The following HFM1 variants were observed in gnomAD, a reference collection of about 807,000 sequenced individuals.
HFM1 encodes probable ATP-dependent DNA helicase HFM1.
Under a neutral mutation model 192.1 loss-of-function variants are expected in HFM1, and 169 were observed. The ratio of observed to expected loss-of-function variants is 0.88; its 90% CI spans 0.78 to 1.00. The LOEUF is 1.00. Among genes scored for constraint, HFM1 ranks in the 50% least tolerant of loss-of-function variants. The pLI, the probability that HFM1 is intolerant of heterozygous loss-of-function variation, is 0.00. For synonymous variants in HFM1, 525 were observed against 537.8 expected, an observed-to-expected ratio of 0.98 and a Z score of 0.33; for missense variants, 1,661 against 1,668.0, an observed-to-expected ratio of 1.00 and a Z score of 0.07.
At position 91,351,569 on chromosome 1, in the gene HFM1, A is replaced by G. The variant is rs1473813675; in HGVS notation, c.2052T>C (p.Cys684=). 1 of 1,589,896 alleles carries G rather than the reference A, an allele frequency of 6.3e-7. No individual in the cohort carries two copies. Among genetic ancestry groups the G allele is most frequent in the Non-Finnish European group, 8.6e-7 (1 of 1,164,198 alleles). Residue 684 remains cysteine (C), a synonymous_variant, in exon 17 of 39, where the codon TGT becomes TGC. Coordinates refer to ENST00000370425, the MANE Select transcript of HFM1 (RefSeq NM_001017975.6). ...ACTACCTGCTTTCTACAGTGTCTCT[A>G]CAAGCTAACATCTGAATGTACTTGT... ...TRDKYIQMLA[C]RDTVESSLHR... is the part of the protein sequence containing the mutation.
chr1:91,375,469 T>G lies in HFM1; in HGVS notation c.1597-23A>C. 1.9e-6 allele frequency: 3 copies of G among 1,611,040 alleles called. No individual in the cohort carries two copies. In the South Asian group the frequency reaches 3.3e-5, roughly 18 times the overall value. On this transcript the variant is annotated intron_variant, in intron 12 of 38. Transcript: ENST00000370425. ...AAACTGAAAATAAATTCATAACGTT[T>G]GTATTAATCATGTTAAAAACTGAAT...
chr1:91,268,464 T>C (rs1665971120), intron 34 of HFM1, among the ~76,000 whole-genome samples: 1 of 152,028 alleles, frequency 6.6e-6, no homozygotes, highest in Admixed American at 6.5e-5. Flanking sequence ...ATTAGTTGTA[T>C]GGTCTTAGAC....
In HFM1 at chr1:91,323,200, C is replaced by G; in HGVS notation, c.2428-1G>C. On this transcript the variant is annotated splice_acceptor_variant, in intron 21 of 38. Coordinates refer to ENST00000370425, the MANE Select transcript of HFM1 (RefSeq NM_001017975.6). LOFTEE classifies it high-confidence loss of function. ...CCTTGCAGCCAGCTATCAATGTAACCTATAACATTTCAGTAGTTGTCCATT... is the reference window on the plus strand; with the variant it reads ...CCTTGCAGCCAGCTATCAATGTAACGTATAACATTTCAGTAGTTGTCCATT... 2 of 1,457,662 alleles carry G rather than the reference C, an allele frequency of 1.4e-6. No individual in the cohort carries two copies. The highest frequency in any genetic ancestry group is 1.9e-6 in the Non-Finnish European group (2 of 1,047,486). The allele number at this position is 1,457,662 out of a possible 1,614,324, so 90.3% of individuals were successfully genotyped here. A position where few individuals can be genotyped will look rare whatever the true frequency, so the allele number is the denominator to read the frequency against.
intron 30 of HFM1, among the ~76,000 whole-genome samples, chr1:91,298,650 A>G (rs931349065): frequency 1.3e-5 from 2 of 152,232 alleles, no homozygotes; most frequent in African/African-American, 4.8e-5. Flanking sequence ...CTTAAAGAAA[A>G]GAATTTTCAA....
At chr1:91,274,664 T>C (rs780165926) in intron 33 of HFM1, 66 bp downstream of exon 33, 2 of 770,706 alleles carry the variant, frequency 2.6e-6, no homozygotes, top group Non-Finnish European at 4.4e-6. Context: ...CCTGAATAAG[T>C]GGTTACCTGC....
chr1:91,355,882 T>C (rs928405955), intron 13 of HFM1, among the ~76,000 whole-genome samples: 16 of 152,260 alleles, frequency 1.1e-4, no homozygotes, highest in African/African-American at 3.9e-4. Context: ...CAGACAAATA[T>C]AGAACTTTGC....
intron 38 of HFM1, 99 bp downstream of exon 38, chr1:91,262,142 G>C: frequency 3.5e-6 from 2 of 567,560 alleles, no homozygotes; most frequent in Non-Finnish European, 6.0e-6. Flanking sequence ...AAATGTTCAG[G>C]CTGTGATCTT....
chr1:91,369,911 A>T (rs1031582596), intron 13 of HFM1, among the ~76,000 whole-genome samples: 2 of 152,046 alleles, frequency 1.3e-5, no homozygotes, highest in African/African-American at 4.8e-5. Context: ...AAGGGGATAT[A>T]GCCACCGATC....
intron 34 of HFM1, 84 bp from the exon 35 acceptor site, chr1:91,267,939 T>C: frequency 1.4e-6 from 1 of 729,356 alleles, no homozygotes; most frequent in Non-Finnish European, 2.3e-6. Context: ...GAACACTGTT[T>C]GAGAGACTTT....
At chr1:91,372,380 C>G (rs896465560) in intron 13 of HFM1, among the ~76,000 whole-genome samples, 3 of 152,184 alleles carry the variant, frequency 2.0e-5, no homozygotes, top group African/African-American at 7.2e-5. Flanking sequence ...AAATGTGGCA[C>G]ATGTACACCA....
At chr1:91,276,857 G>T in intron 31 of HFM1, 114 bp from the exon 32 acceptor site, 1 of 810,112 alleles carries the variant, frequency 1.2e-6, no homozygotes, top group Non-Finnish European at 1.9e-6. Flanking sequence ...TGCCCACAGA[G>T]AGAAAATTAT....
At position 91,329,089 on chromosome 1, in the gene HFM1, T is replaced by C. The variant is rs1653395413; in HGVS notation, c.2336-4323A>G. ...CTAGGCAGTGACTACTGTAAGAGTA[T>C]CTGGAGTATTGGGCCCAAGCGGGCT... On this transcript the variant is annotated intron_variant, in intron 20 of 38. Transcript: ENST00000370425. 3.1e-6 allele frequency: 5 copies of C among 1,609,948 alleles called. No individual in the cohort carries two copies. The South Asian group carries it at 3.3e-5, about 11-fold the overall frequency.
At chr1:91,380,693 G>T (rs1340943870) in intron 7 of HFM1, among the ~76,000 whole-genome samples, 2 of 152,142 alleles carry the variant, frequency 1.3e-5, no homozygotes, top group African/African-American at 4.8e-5. Flanking sequence ...AGCAGAAGTT[G>T]CAGTGAGCTG....
At chr1:91,275,422 T>A (rs900676382) in intron 32 of HFM1, among the ~76,000 whole-genome samples, 3 of 152,202 alleles carry the variant, frequency 2.0e-5, no homozygotes, top group African/African-American at 7.2e-5. Context: ...CTCGCTCAGC[T>A]CTGTCTCCTG....
At chr1:91,354,729 T>C (rs1022905424) in intron 13 of HFM1, among the ~76,000 whole-genome samples, 22 of 152,010 alleles carry the variant, frequency 1.4e-4, no homozygotes, top group African/African-American at 4.8e-4. Context: ...CAGTAAACAA[T>C]ACTATACAAA....
At chr1:91,276,100 T>C (rs536546523) in intron 32 of HFM1, among the ~76,000 whole-genome samples, 1 of 152,268 alleles carries the variant, frequency 6.6e-6, no homozygotes, top group South Asian at 2.1e-4. Context: ...CTCTGGACCT[T>C]TGTATAATCT....
Position 91,316,078 on chromosome 1 carries a change from T to C in HFM1, c.2982+23A>G, listed in dbSNP as rs896746437. The C allele has an allele frequency of 3.3e-6, 5 of 1,516,550 alleles. No individual in the cohort carries two copies. The Admixed American group carries it at 7.1e-5, about 22-fold the overall frequency. The allele number at this position is 1,516,550 out of a possible 1,614,324, so 93.9% of individuals were successfully genotyped here. A position where few individuals can be genotyped will look rare whatever the true frequency, so the allele number is the denominator to read the frequency against. ...TTATTTCTGAAAAGACAATAAAATA[T>C]CTAAGAAACAGAAAATATTTACCTG... On this transcript the variant is annotated intron_variant, in intron 27 of 38. Coordinates refer to ENST00000370425, the MANE Select transcript of HFM1 (RefSeq NM_001017975.6).
intron 20 of HFM1, among the ~76,000 whole-genome samples, chr1:91,329,797 TGATA>T (rs755866759): frequency 6.6e-6 from 1 of 152,096 alleles, no homozygotes; most frequent in African/African-American, 2.4e-5. Flanking sequence ...TACATGAAAG[TGATA>T]GATAGCAACA....
intron 20 of HFM1, among the ~76,000 whole-genome samples, chr1:91,333,421 A>C (rs1258620131): frequency 6.6e-6 from 1 of 152,154 alleles, no homozygotes; most frequent in East Asian, 1.9e-4. Context: ...ACTCATGGAC[A>C]TAGAGAGTAG....
Sources: gnomAD v4.1 joint callset for allele counts (sites outside exome capture counted in the v4.1 genomes callset) on GRCh38, gnomAD v4.1.1 for gene constraint, MANE v1.5 for transcripts, NCBI Gene and HGNC (gene_info 2026-07-23, HGNC 2026-07-21) for gene names.